Variants in MYL4 observed in about 807,000 individuals in gnomAD.
MYL4 encodes atrial myosin light chain 1.
Under a neutral mutation model 21.6 loss-of-function variants are expected in MYL4, and 16 were observed. The observed-to-expected ratio is 0.74, with a 90% confidence interval of 0.50 to 1.12. The LOEUF is 1.12. MYL4 is among the 50% of genes most tolerant of loss of function. The pLI, the probability that MYL4 is intolerant of heterozygous loss-of-function variation, is 0.00. For missense variants in MYL4, 249 were observed against 252.9 expected, an observed-to-expected ratio of 0.98 and a Z score of 0.11; for synonymous variants, 82 against 95.7, an observed-to-expected ratio of 0.86 and a Z score of 0.83.
upstream of MYL4, among the ~76,000 whole-genome samples, chr17:47,205,134 C>T (rs757573238): frequency 3.9e-5 from 6 of 152,088 alleles, no homozygotes; most frequent in African/African-American, 9.7e-5. Context: ...CATTTGTGTC[C>T]GAATTTGACA....
At chr17:47,209,266 A>T, upstream of MYL4, 1 of 892,882 alleles carries the variant, frequency 1.1e-6, no homozygotes, top group Non-Finnish European at 1.8e-6. Flanking sequence ...TATAGTCAGC[A>T]GCAGTTGCTC....
At chr17:47,206,458 G>A (rs2064728758), upstream of MYL4, among the ~76,000 whole-genome samples, 2 of 152,142 alleles carry the variant, frequency 1.3e-5, no homozygotes, top group Non-Finnish European at 2.9e-5. Flanking sequence ...GTGCGTGTGT[G>A]TTTTAACTGG....
intron 1 of MYL4, among the ~76,000 whole-genome samples, chr17:47,201,844 A>AT (rs901512612): frequency 1.4e-4 from 22 of 152,054 alleles, no homozygotes; most frequent in African/African-American, 5.3e-4. Flanking sequence ...TTTAATGTGT[A>AT]TTTTTTTGTT....
chr17:47,209,385 T>A lies in MYL4; in HGVS notation c.-38T>A. ...AGACGCCACGTCTCTCGGTTTCTTC[T>A]TAGATCACTCCTCTGCCAAAGATCC... On this transcript the variant is annotated 5_prime_UTR_variant, in exon 1 of 7. Transcript: ENST00000393450. The A allele has an allele frequency of 6.2e-7, 1 of 1,614,036 alleles. No individual in the cohort carries two copies. The highest frequency in any genetic ancestry group is 8.5e-7 in the Non-Finnish European group (1 of 1,180,016).
At chr17:47,227,058 G>C (rs1470866183), downstream of MYL4, among the ~76,000 whole-genome samples, 1 of 152,166 alleles carries the variant, frequency 6.6e-6, no homozygotes, top group African/African-American at 2.4e-5. Flanking sequence ...GTTTCACCAT[G>C]TTGGCCAGGC....
upstream of MYL4, among the ~76,000 whole-genome samples, chr17:47,195,556 A>G (rs2064686517): frequency 6.6e-6 from 1 of 151,704 alleles, no homozygotes; most frequent in Non-Finnish European, 1.5e-5. Context: ...ACTGGGTTTT[A>G]CCATGTTGGC....
At chr17:47,226,159 T>A (rs1275930423), downstream of MYL4, among the ~76,000 whole-genome samples, 1 of 152,178 alleles carries the variant, frequency 6.6e-6, no homozygotes. Flanking sequence ...TACTGTCCAC[T>A]TAAGCAAGCA....
chr17:47,195,052 C>T, the MYL4 span, among the ~76,000 whole-genome samples: 67 of 113,938 alleles, frequency 5.9e-4, no homozygotes, highest in South Asian at 5.8e-4. Context: ...CTTCATGGAA[C>T]TTTTTTTTTT....
intron 1 of MYL4, 136 bp downstream of exon 1, chr17:47,209,693 A>T (rs770498031): frequency 2.1e-5 from 28 of 1,335,266 alleles, no homozygotes; most frequent in Non-Finnish European, 2.6e-5. Flanking sequence ...TCGCAGTCCC[A>T]TGGGGCAGTG....
intron 1 of MYL4, chr17:47,209,833 G>A: frequency 1.8e-6 from 1 of 549,528 alleles, no homozygotes. Context: ...ATGGGGGGAG[G>A]TACAACCAAC....
chr17:47,198,068 T>C (rs2149037007), upstream of MYL4, among the ~76,000 whole-genome samples: 1 of 152,208 alleles, frequency 6.6e-6, no homozygotes, highest in African/African-American at 2.4e-5. Context: ...AAGATTATGC[T>C]AACAGCTGAG....
Position 47,213,846 on chromosome 17 carries a change from C to T in MYL4, c.163+20C>T. The T allele has an allele frequency of 7.4e-6, 12 of 1,613,220 alleles. No individual in the cohort carries two copies. The highest frequency in any genetic ancestry group is 1.0e-5 in the Non-Finnish European group (12 of 1,179,188). Reference sequence around the variant, plus strand: ...TTGAAGGTGAGTATGGACAACCCCACCTCTCCGTCTCTATTGCACTTTCCT... The same window carrying T: ...TTGAAGGTGAGTATGGACAACCCCATCTCTCCGTCTCTATTGCACTTTCCT... On this transcript the variant is annotated intron_variant, in intron 2 of 6. Coordinates refer to ENST00000393450, the MANE Select transcript of MYL4 (RefSeq NM_002476.2).
At chr17:47,199,859 T>TG (rs1220080217), upstream of MYL4, among the ~76,000 whole-genome samples, 1 of 150,474 alleles carries the variant, frequency 6.6e-6, no homozygotes, top group Non-Finnish European at 1.5e-5. Context: ...CCTCAGCCTC[T>TG]GGAGTAGCTG....
downstream of MYL4, among the ~76,000 whole-genome samples, chr17:47,226,391 A>T (rs568948897): frequency 2.0e-4 from 31 of 152,332 alleles, no homozygotes; most frequent in African/African-American, 7.5e-4. Flanking sequence ...AAGAGCATGA[A>T]CAGAGGTCAT....
chr17:47,212,273 T>C (rs753531637), intron 1 of MYL4, among the ~76,000 whole-genome samples: 9 of 152,198 alleles, frequency 5.9e-5, no homozygotes, highest in Non-Finnish European at 7.3e-5. Context: ...CCATTGTCAT[T>C]CACTCTCCTC....
At chr17:47,199,478 G>A (rs1041957922), upstream of MYL4, among the ~76,000 whole-genome samples, 28 of 152,002 alleles carry the variant, frequency 1.8e-4, no homozygotes, top group Admixed American at 1.8e-3. Context: ...GAGCCACTGT[G>A]CCCAGCCTGC....
chr17:47,198,358 C>T (rs1032776753), upstream of MYL4, among the ~76,000 whole-genome samples: 5 of 151,940 alleles, frequency 3.3e-5, no homozygotes, highest in African/African-American at 9.7e-5. Context: ...TAGTGGCTGT[C>T]ATCTCTTTTT....
downstream of MYL4, among the ~76,000 whole-genome samples, chr17:47,224,374 C>T (rs959187851): frequency 1.8e-4 from 28 of 152,268 alleles, no homozygotes; most frequent in African/African-American, 6.5e-4. Flanking sequence ...ATCATGAGAA[C>T]AGCATGGGAA....
Position 47,223,539 on chromosome 17 carries a change from G to A in MYL4, c.*46G>A, listed in dbSNP as rs770337731. ...TGGCCCTTGGCTTTAGCCATACCAGGGTGAGTTAAAGAGAGGCCCCGGCTG... is the reference window on the plus strand; with the variant it reads ...TGGCCCTTGGCTTTAGCCATACCAGAGTGAGTTAAAGAGAGGCCCCGGCTG... On this transcript the variant is annotated 3_prime_UTR_variant, in exon 7 of 7. Coordinates refer to ENST00000393450, the MANE Select transcript of MYL4 (RefSeq NM_002476.2). 2 of 155,738 alleles carry A rather than the reference G, an allele frequency of 1.3e-5. No individual in the cohort carries two copies. Among genetic ancestry groups the A allele is most frequent in the Non-Finnish European group, 2.8e-5 (2 of 70,398 alleles). The allele number at this position is 155,738 out of a possible 1,614,324, so 9.6% of individuals were successfully genotyped here. A position where few individuals can be genotyped will look rare whatever the true frequency, so the allele number is the denominator to read the frequency against.
Sources: gnomAD v4.1 joint callset for allele counts (sites outside exome capture counted in the v4.1 genomes callset) on GRCh38, gnomAD v4.1.1 for gene constraint, MANE v1.5 for transcripts, NCBI Gene and HGNC (gene_info 2026-07-23, HGNC 2026-07-21) for gene names.